KDM3B: variants seen among roughly 807,000 people sequenced by gnomAD.
KDM3B encodes lysine-specific demethylase 3B.
KDM3B carries 10 observed loss-of-function variants against 170.0 expected under a neutral mutation model. That is an observed-to-expected ratio of 0.06 (90% confidence interval 0.04 to 0.10). The LOEUF is 0.10. KDM3B is among the 10% of genes least tolerant of loss of function. The pLI is 1.00. For missense variants in KDM3B, 1,394 were observed against 2,195.2 expected, an observed-to-expected ratio of 0.64 and a Z score of 7.29; for synonymous variants, 831 against 834.8, an observed-to-expected ratio of 1.00 and a Z score of 0.08.
intron 6 of KDM3B, among the ~76,000 whole-genome samples, chr5:138,384,834 A>T (rs1244707528): frequency 3.3e-5 from 5 of 150,712 alleles, no homozygotes; most frequent in South Asian, 2.1e-4. Flanking sequence ...CAGTCACTTG[A>T]ACCCGTTAGG....
intron 1 of KDM3B, among the ~76,000 whole-genome samples, chr5:138,353,493 T>A (rs1469709236): frequency 2.0e-5 from 3 of 152,130 alleles, no homozygotes; most frequent in Non-Finnish European, 4.4e-5. Flanking sequence ...GGTCGGGGCT[T>A]TTTTATCTGG....
chr5:138,409,777 GA>G, intron 11 of KDM3B, among the ~76,000 whole-genome samples: 1 of 152,164 alleles, frequency 6.6e-6, no homozygotes, highest in East Asian at 1.9e-4. Flanking sequence ...AAAAGATAAA[GA>G]AAAAATAACA....
chr5:138,362,587 A>C (rs13167057), intron 1 of KDM3B, among the ~76,000 whole-genome samples: 2,911 of 78,450 alleles, frequency 0.037, 45 homozygotes, highest in East Asian at 0.078. Flanking sequence ...CACACACACA[A>C]AATATCTTAA....
At chr5:138,361,449 T>C (rs747260995) in intron 1 of KDM3B, among the ~76,000 whole-genome samples, 26 of 152,144 alleles carry the variant, frequency 1.7e-4, no homozygotes, top group Non-Finnish European at 3.1e-4. Flanking sequence ...TGCAAGGTTA[T>C]TAATTTACAG....
chr5:138,408,310 C>A (rs368629074), intron 11 of KDM3B, among the ~76,000 whole-genome samples: 2 of 151,328 alleles, frequency 1.3e-5, no homozygotes, highest in Admixed American at 6.6e-5. Flanking sequence ...CCCTCTCTCA[C>A]GAGAGAGAGC....
At chr5:138,418,921 C>T in intron 13 of KDM3B, 32 bp from the exon 14 acceptor site, 2 of 1,603,288 alleles carry the variant, frequency 1.2e-6, no homozygotes, top group Non-Finnish European at 1.7e-6. Context: ...CCAAGCACAG[C>T]ACTCTAATTA....
At chr5:138,367,318 TAA>T (rs1050405320) in intron 1 of KDM3B, among the ~76,000 whole-genome samples, 3 of 152,176 alleles carry the variant, frequency 2.0e-5, no homozygotes, top group African/African-American at 4.8e-5. Context: ...CCATTTTTGT[TAA>T]GAGTGTGAAT....
intron 11 of KDM3B, among the ~76,000 whole-genome samples, chr5:138,413,188 A>G (rs35131895): frequency 0.26 from 39,637 of 151,994 alleles, 5,368 homozygotes; most frequent in Middle Eastern, 0.28. Flanking sequence ...GATTGAGACC[A>G]TCCTAGCTAA....
At position 138,379,631 on chromosome 5, in the gene KDM3B, G is replaced by C; in HGVS notation, c.628G>C (p.Gly210Arg). ...GHRVKIYQPE[G>R]EEGWLYGVVS... ...CAGGGTCAAAATATATCAGCCAGAGGGGGAAGAAGGGTGGCTCTATGGTGT... is the reference window on the plus strand; with the variant it reads ...CAGGGTCAAAATATATCAGCCAGAGCGGGAAGAAGGGTGGCTCTATGGTGT... The change falls in exon 5 of 24, where the codon GGG (glycine) becomes CGG (arginine). Residue 210 changes from glycine to arginine, a missense_variant. Physicochemically the swap from Gly to Arg is moderately radical, Grantham distance 125. This residue lies in a region of KDM3B where 166 missense variants were observed against 216.4 expected (regional missense o/e 0.77). Transcript: ENST00000314358. The C allele has an allele frequency of 1.2e-6, 2 of 1,613,698 alleles. No individual in the cohort carries two copies. The highest frequency in any genetic ancestry group is 2.2e-5 in the South Asian group (2 of 90,998).
intron 7 of KDM3B, among the ~76,000 whole-genome samples, chr5:138,387,588 G>A (rs1019974478): frequency 6.6e-6 from 1 of 152,262 alleles, no homozygotes; most frequent in East Asian, 1.9e-4. Context: ...TCCCCAACAA[G>A]TGCAGATTGT....
intron 21 of KDM3B, 134 bp from the exon 22 acceptor site, chr5:138,430,115 C>G: frequency 1.5e-6 from 2 of 1,356,112 alleles, no homozygotes; most frequent in Non-Finnish European, 2.0e-6. Context: ...AGGCTTGAAT[C>G]CACACCTAGA....
chr5:138,381,483 G>A (rs370658138), intron 5 of KDM3B, 33 bp from the exon 6 acceptor site: 63 of 1,239,364 alleles, frequency 5.1e-5, no homozygotes, highest in Non-Finnish European at 7.2e-5. Context: ...TTATGGACAA[G>A]GCATTAAATA....
At chr5:138,355,571 TC>T (rs1469690431) in intron 1 of KDM3B, among the ~76,000 whole-genome samples, 1 of 152,206 alleles carries the variant, frequency 6.6e-6, no homozygotes, top group African/African-American at 2.4e-5. Context: ...AAACAGCTTT[TC>T]CCCCACTTTC....
intron 1 of KDM3B, among the ~76,000 whole-genome samples, chr5:138,355,617 G>T (rs1443701988): frequency 6.6e-6 from 1 of 152,104 alleles, no homozygotes; most frequent in African/African-American, 2.4e-5. Flanking sequence ...GTTTTAAAAT[G>T]GGCCTTTTAT....
At chr5:138,379,841 C>T (rs1379898230) in intron 5 of KDM3B, 133 bp downstream of exon 5, 1 of 778,898 alleles carries the variant, frequency 1.3e-6, no homozygotes, top group East Asian at 2.9e-5. Flanking sequence ...AGTTGTATAA[C>T]CCCTAGAAAG....
intron 17 of KDM3B, 97 bp from the exon 18 acceptor site, chr5:138,426,878 A>G: frequency 1.0e-5 from 7 of 700,228 alleles, no homozygotes; most frequent in Non-Finnish European, 1.6e-5. Context: ...AAAAAAAAAA[A>G]AAGAAAAAAA....
At chr5:138,362,869 A>G (rs1211266898) in intron 1 of KDM3B, among the ~76,000 whole-genome samples, 3 of 149,696 alleles carry the variant, frequency 2.0e-5, no homozygotes, top group Non-Finnish European at 4.4e-5. Context: ...ATATCTCCTA[A>G]TGCTATCCCT....
intron 6 of KDM3B, among the ~76,000 whole-genome samples, chr5:138,384,390 C>T (rs983029068): frequency 2.0e-5 from 3 of 151,290 alleles, no homozygotes; most frequent in Admixed American, 6.6e-5. Flanking sequence ...ACCTGAGGTC[C>T]GGAGTTCGAG....
chr5:138,404,588 T>C (rs1376284815), intron 11 of KDM3B, among the ~76,000 whole-genome samples: 3 of 151,224 alleles, frequency 2.0e-5, no homozygotes, highest in Admixed American at 6.6e-5. Context: ...GGTCATGCCA[T>C]TGCACTTCAG....
Sources: gnomAD v4.1 joint callset for allele counts (sites outside exome capture counted in the v4.1 genomes callset) on GRCh38, gnomAD v4.1.1 for gene constraint, gnomAD v4.1.1 regional missense constraint, MANE v1.5 for transcripts, NCBI Gene and HGNC (gene_info 2026-07-23, HGNC 2026-07-21) for gene names.